Variants in SLC9A9 observed in about 807,000 individuals in gnomAD.
SLC9A9 encodes solute carrier family 9 member A9.
Under a neutral mutation model 77.8 loss-of-function variants are expected in SLC9A9, and 62 were observed. The ratio of observed to expected loss-of-function variants is 0.80; its 90% CI spans 0.65 to 0.98. The LOEUF is 0.98. SLC9A9 is among the 50% of genes least tolerant of loss of function. The probability of loss-of-function intolerance (pLI) is 0.00; values close to 1 mark genes in which losing one functional copy is unlikely to be tolerated. For synonymous variants in SLC9A9, 320 were observed against 283.5 expected (o/e 1.13, Z -1.29); for missense variants, 775 against 774.9 (o/e 1.00, Z 0.00).
chr3:143,755,928 C>G (rs2006909337), intron 4 of SLC9A9, among the ~76,000 whole-genome samples: 1 of 152,056 alleles, frequency 6.6e-6, no homozygotes, highest in African/African-American at 2.4e-5. Flanking sequence ...CAACTTGGCT[C>G]TAAATTTCTC....
chr3:143,575,262 G>A (rs1399708465), intron 7 of SLC9A9, among the ~76,000 whole-genome samples: 1 of 152,182 alleles, frequency 6.6e-6, no homozygotes, highest in Admixed American at 6.5e-5. Flanking sequence ...AAGCACAAAG[G>A]CAGAATAATA....
intron 2 of SLC9A9, among the ~76,000 whole-genome samples, chr3:143,817,180 C>A (rs150636790): frequency 0.017 from 2,434 of 142,666 alleles, 70 homozygotes; most frequent in African/African-American, 0.059. Context: ...CTCGCTCTGT[C>A]GCCCAGGCCG....
At chr3:143,611,795 C>A (rs2038026124) in intron 6 of SLC9A9, among the ~76,000 whole-genome samples, 1 of 152,094 alleles carries the variant, frequency 6.6e-6, no homozygotes, top group African/African-American at 2.4e-5. Flanking sequence ...GTGCAGTGAT[C>A]CGATCATGGC....
intron 4 of SLC9A9, among the ~76,000 whole-genome samples, chr3:143,722,472 CAA>C (rs60995925): frequency 0.011 from 663 of 58,308 alleles, 3 homozygotes; most frequent in African/African-American, 0.041. Flanking sequence ...GACTCCATCT[CAA>C]AAAAAAAAAA....
At chr3:143,317,125 T>C (rs183493653) in intron 14 of SLC9A9, among the ~76,000 whole-genome samples, 161 of 152,106 alleles carry the variant, frequency 1.1e-3, no homozygotes, top group African/African-American at 3.8e-3. Context: ...GAAAAACAAA[T>C]GATCTCCCCT....
chr3:143,832,954 A>T (rs2009474578), intron 1 of SLC9A9, among the ~76,000 whole-genome samples: 1 of 152,130 alleles, frequency 6.6e-6, no homozygotes, highest in Non-Finnish European at 1.5e-5. Context: ...GTTTCTGGTT[A>T]CTTGTAGCCA....
At chr3:143,328,765 T>C (rs1467200462) in intron 14 of SLC9A9, among the ~76,000 whole-genome samples, 4 of 152,236 alleles carry the variant, frequency 2.6e-5, no homozygotes, top group Non-Finnish European at 5.9e-5. Context: ...TTCTCCTTGA[T>C]TAGCTTGATT....
intron 2 of SLC9A9, among the ~76,000 whole-genome samples, chr3:143,797,725 C>G (rs1309757443): frequency 6.6e-6 from 1 of 152,162 alleles, no homozygotes; most frequent in Non-Finnish European, 1.5e-5. Context: ...AGCTCCCCCA[C>G]TGAGCACCTT....
chr3:143,450,215 G>T (rs1377166943), intron 12 of SLC9A9, among the ~76,000 whole-genome samples: 5 of 134,002 alleles, frequency 3.7e-5, no homozygotes, highest in Non-Finnish European at 7.8e-5. Flanking sequence ...TAAATAATAA[G>T]ATAAATATAA....
intron 6 of SLC9A9, among the ~76,000 whole-genome samples, chr3:143,649,305 G>A (rs2038759608): frequency 6.6e-6 from 1 of 152,184 alleles, no homozygotes; most frequent in Non-Finnish European, 1.5e-5. Context: ...ATGCATACAT[G>A]TTTGAGCATG....
chr3:143,506,563 T>C lies in SLC9A9; in HGVS notation c.1090-11115A>G, dbSNP rs577043262. On this transcript the variant is annotated intron_variant, in intron 9 of 15. Transcript: ENST00000316549. Reference sequence around the variant, plus strand: ...TGCAGCAGTAGGCAATTCCACAGTTTAGGCAGCAACTGCCACTTTTCATTC... The same window carrying C: ...TGCAGCAGTAGGCAATTCCACAGTTCAGGCAGCAACTGCCACTTTTCATTC... Among the ~76,000 whole-genome samples, 7 of 152,328 alleles carry C rather than the reference T, an allele frequency of 4.6e-5. No homozygotes were observed. In the South Asian group the frequency reaches 1.5e-3, roughly 32 times the overall value.
intron 14 of SLC9A9, among the ~76,000 whole-genome samples, chr3:143,355,700 A>G (rs1024945753): frequency 3.9e-5 from 6 of 152,244 alleles, no homozygotes. Flanking sequence ...CTCTGTGGGA[A>G]TTTCTTTACA....
At chr3:143,827,812 G>T (rs1307678322) in intron 2 of SLC9A9, among the ~76,000 whole-genome samples, 1 of 152,160 alleles carries the variant, frequency 6.6e-6, no homozygotes. Flanking sequence ...TAGAAACAAA[G>T]GCAAAATACT....
intron 4 of SLC9A9, among the ~76,000 whole-genome samples, chr3:143,751,095 A>G (rs2006697412): frequency 6.6e-6 from 1 of 152,200 alleles, no homozygotes; most frequent in East Asian, 1.9e-4. Flanking sequence ...GTCATTGTTC[A>G]TGGGCAGTTC....
chr3:143,612,048 T>C (rs191182416), intron 6 of SLC9A9, among the ~76,000 whole-genome samples: 2 of 152,276 alleles, frequency 1.3e-5, no homozygotes, highest in Non-Finnish European at 2.9e-5. Context: ...GTTAAAGCCT[T>C]GGGTCAGTCA....
chr3:143,517,824 A>G, intron 9 of SLC9A9: 1 of 1,601,166 alleles, frequency 6.2e-7, no homozygotes, highest in Non-Finnish European at 8.5e-7. Flanking sequence ...TCTGTGAATA[A>G]GTCAATGGCT....
intron 4 of SLC9A9, among the ~76,000 whole-genome samples, chr3:143,783,198 A>G (rs537467437): frequency 6.6e-6 from 1 of 152,212 alleles, no homozygotes; most frequent in East Asian, 1.9e-4. Flanking sequence ...TGTGCTTTTG[A>G]AAGTCCAAAC....
At chr3:143,423,561 G>A (rs1257519455) in intron 12 of SLC9A9, among the ~76,000 whole-genome samples, 1 of 152,082 alleles carries the variant, frequency 6.6e-6, no homozygotes, top group Non-Finnish European at 1.5e-5. Flanking sequence ...CCAAATTAAA[G>A]ACAATTTGAA....
At chr3:143,662,464 C>T (rs1041555103) in intron 5 of SLC9A9, among the ~76,000 whole-genome samples, 6 of 152,156 alleles carry the variant, frequency 3.9e-5, no homozygotes, top group East Asian at 1.9e-4. Flanking sequence ...GGACAGTGGG[C>T]GCAGCCCACA....
Sources: gnomAD v4.1 joint callset for allele counts (sites outside exome capture counted in the v4.1 genomes callset) on GRCh38, gnomAD v4.1.1 for gene constraint, MANE v1.5 for transcripts, NCBI Gene and HGNC (gene_info 2026-07-23, HGNC 2026-07-21) for gene names.